The following STRN3 variants were observed in gnomAD, a reference collection of about 807,000 sequenced individuals.
STRN3 encodes striatin 3.
In STRN3, 29 loss-of-function variants were observed where a neutral mutation model predicts 95.6. The observed-to-expected ratio is 0.30, with a 90% CI of 0.23 to 0.41. The LOEUF is 0.41. Among genes scored for constraint, STRN3 ranks in the 10% least tolerant of loss-of-function variants. The pLI, the probability that STRN3 is intolerant of heterozygous loss-of-function variation, is 1.00. For synonymous variants in STRN3, 331 were observed against 357.6 expected (o/e 0.93, Z 0.84); for missense variants, 890 against 972.1 (o/e 0.92, Z 1.12).
chr14:31,011,076 T>C (rs1460479578), intron 1 of STRN3, among the ~76,000 whole-genome samples: 2 of 152,280 alleles, frequency 1.3e-5, no homozygotes, highest in Middle Eastern at 3.4e-3. Flanking sequence ...GTGATTTCTC[T>C]GATACTCCAT....
chr14:30,983,588 T>C (rs2139234700), intron 1 of STRN3, among the ~76,000 whole-genome samples: 1 of 152,306 alleles, frequency 6.6e-6, no homozygotes, highest in East Asian at 1.9e-4. Flanking sequence ...TTTTCATGTG[T>C]AAAGGGAGAA....
intron 7 of STRN3, among the ~76,000 whole-genome samples, chr14:30,929,712 T>C (rs1374048607): frequency 6.6e-6 from 1 of 151,982 alleles, no homozygotes; most frequent in Non-Finnish European, 1.5e-5. Flanking sequence ...AAGTGCAAGC[T>C]AGAAAGGTAA....
chr14:30,984,995 T>G (rs568669253), intron 1 of STRN3, among the ~76,000 whole-genome samples: 1 of 152,228 alleles, frequency 6.6e-6, no homozygotes, highest in Non-Finnish European at 1.5e-5. Context: ...TAGATGTAAT[T>G]GCGGAATACT....
intron 1 of STRN3, among the ~76,000 whole-genome samples, chr14:30,963,286 A>T (rs1880303940): frequency 6.6e-6 from 1 of 152,178 alleles, no homozygotes; most frequent in Non-Finnish European, 1.5e-5. Flanking sequence ...GAACACAACA[A>T]ATCACCTAGC....
chr14:30,903,198 T>C (rs1300380881), intron 15 of STRN3, among the ~76,000 whole-genome samples: 12 of 152,072 alleles, frequency 7.9e-5, no homozygotes, highest in South Asian at 4.1e-4. Context: ...TCAATATTAA[T>C]AGACTTTAGA....
chr14:31,007,173 A>G (rs1384988403), intron 1 of STRN3, among the ~76,000 whole-genome samples: 1 of 152,226 alleles, frequency 6.6e-6, no homozygotes, highest in Non-Finnish European at 1.5e-5. Context: ...AGGGTCCAAT[A>G]AAAAGAGATT....
At chr14:30,992,735 C>T (rs1882022381) in intron 1 of STRN3, among the ~76,000 whole-genome samples, 1 of 152,040 alleles carries the variant, frequency 6.6e-6, no homozygotes, top group African/African-American at 2.4e-5. Flanking sequence ...GTAAACTGGC[C>T]AGGTACAGTG....
At chr14:30,902,961 A>AAG (rs1034098150) in intron 15 of STRN3, among the ~76,000 whole-genome samples, 72 of 152,266 alleles carry the variant, frequency 4.7e-4, no homozygotes, top group African/African-American at 1.7e-3. Context: ...CAGTCCATAT[A>AAG]AGAGTTATAA....
intron 1 of STRN3, among the ~76,000 whole-genome samples, chr14:31,013,912 T>C (rs573166594): frequency 1.7e-5 from 2 of 114,824 alleles, no homozygotes; most frequent in East Asian, 4.5e-4. Flanking sequence ...ATTATTATTA[T>C]TATTATTTGA....
At chr14:31,017,475 G>T (rs1326247757) in intron 1 of STRN3, among the ~76,000 whole-genome samples, 1 of 151,770 alleles carries the variant, frequency 6.6e-6, no homozygotes, top group Non-Finnish European at 1.5e-5. Flanking sequence ...CTCCACCCTG[G>T]GCGACGCAGC....
intron 8 of STRN3, among the ~76,000 whole-genome samples, chr14:30,922,687 T>A (rs1345710379): frequency 6.6e-6 from 1 of 152,146 alleles, no homozygotes. Flanking sequence ...AGCACAAAAA[T>A]TTAGTTAAGT....
intron 9 of STRN3, among the ~76,000 whole-genome samples, chr14:30,916,173 T>G (rs2139003846): frequency 6.6e-6 from 1 of 152,270 alleles, no homozygotes; most frequent in East Asian, 1.9e-4. Context: ...GCAGAGGGAA[T>G]TAATTTCTAT....
chr14:30,911,294 ACT>A, intron 12 of STRN3, 132 bp from the exon 13 acceptor site: 68 of 718,662 alleles, frequency 9.5e-5, no homozygotes, highest in Non-Finnish European at 1.3e-4. Context: ...CCTGACTGGT[ACT>A]TTTTTTTTTT....
intron 1 of STRN3, among the ~76,000 whole-genome samples, chr14:31,001,750 CG>C (rs1882461457): frequency 6.6e-6 from 1 of 152,160 alleles, no homozygotes; most frequent in African/African-American, 2.4e-5. Context: ...CATTAACAGA[CG>C]AATGGATCTG....
At chr14:30,906,264 T>C (rs1896458543) in intron 14 of STRN3, among the ~76,000 whole-genome samples, 2 of 152,208 alleles carry the variant, frequency 1.3e-5, no homozygotes, top group Non-Finnish European at 1.5e-5. Flanking sequence ...CACAAAATTA[T>C]ATATTTACTA....
chr14:30,926,450 T>C (rs1897029839), intron 8 of STRN3, among the ~76,000 whole-genome samples: 1 of 151,990 alleles, frequency 6.6e-6, no homozygotes, highest in East Asian at 1.9e-4. Flanking sequence ...TAAGAAAAGA[T>C]GGATGAATAT....
At chr14:31,005,859 C>T (rs1242020730) in intron 1 of STRN3, among the ~76,000 whole-genome samples, 5 of 152,028 alleles carry the variant, frequency 3.3e-5, no homozygotes, top group African/African-American at 9.7e-5. Flanking sequence ...GGCTCACGCC[C>T]GTAATCCCAG....
intron 8 of STRN3, 135 bp from the exon 9 acceptor site, chr14:30,919,241 G>A: frequency 3.2e-6 from 3 of 935,950 alleles, no homozygotes; most frequent in South Asian, 4.9e-5. Context: ...AATTAAAGAT[G>A]TCTTCCATTT....
intron 1 of STRN3, 73 bp downstream of exon 1, chr14:31,025,831 G>T: frequency 1.3e-6 from 2 of 1,538,506 alleles, no homozygotes; most frequent in Non-Finnish European, 8.7e-7. Context: ...CCGGCTGAGT[G>T]GAGTCCCCAG....
Sources: allele counts gnomAD v4.1 joint callset (sites outside exome capture counted in the v4.1 genomes callset), GRCh38; gene constraint gnomAD v4.1.1; transcripts MANE v1.5; gene names NCBI Gene and HGNC (gene_info 2026-07-23, HGNC 2026-07-21).